The following TSHR variants were observed in gnomAD, a reference collection of about 807,000 sequenced individuals.
TSHR encodes the protein thyrotropin receptor.
TSHR carries 51 observed loss-of-function variants against 64.1 expected under a neutral mutation model. The ratio of observed to expected loss-of-function variants is 0.80; its 90% CI spans 0.64 to 1.01. The LOEUF is 1.01. Ranked by LOEUF, TSHR falls within the 50% of genes least tolerant of loss-of-function variation. The pLI is 0.00. For missense variants in TSHR, 877 were observed against 942.8 expected (o/e 0.93, Z 0.91); for synonymous variants, 361 against 361.9 (o/e 1.00, Z 0.03).
At chr14:80,989,715 G>A (rs913255582) in intron 1 of TSHR, among the ~76,000 whole-genome samples, 5 of 152,062 alleles carry the variant, frequency 3.3e-5, no homozygotes, top group East Asian at 1.9e-4. Flanking sequence ...ACTTCTATTC[G>A]ACTAAATTTA....
At chr14:81,080,730 C>T (rs182335731) in intron 3 of TSHR, among the ~76,000 whole-genome samples, 10 of 152,106 alleles carry the variant, frequency 6.6e-5, no homozygotes, top group Admixed American at 3.9e-4. Context: ...TGAAAATCCT[C>T]GATAATGTAG....
intron 1 of TSHR, among the ~76,000 whole-genome samples, chr14:81,009,850 T>C (rs1044313609): frequency 1.3e-5 from 2 of 152,110 alleles, no homozygotes; most frequent in Admixed American, 1.3e-4. Context: ...TCCTTGTGTA[T>C]TCTTGTGTAC....
chr14:81,033,066 C>T (rs889361129), intron 1 of TSHR: 1 of 360,206 alleles, frequency 2.8e-6, no homozygotes. Context: ...TCACCCAAAT[C>T]ATGGCAGACT....
intron 8 of TSHR, among the ~76,000 whole-genome samples, chr14:81,130,458 C>T (rs1266352362): frequency 6.6e-6 from 1 of 152,228 alleles, no homozygotes; most frequent in African/African-American, 2.4e-5. Flanking sequence ...ACTACTCTCT[C>T]TTGGTTTTTC....
intron 7 of TSHR, among the ~76,000 whole-genome samples, chr14:81,102,002 T>A (rs1889611163): frequency 6.6e-6 from 1 of 151,858 alleles, no homozygotes; most frequent in South Asian, 2.1e-4. Context: ...AAACCCCGTC[T>A]CTACTAAAAA....
intron 1 of TSHR, among the ~76,000 whole-genome samples, chr14:80,996,061 C>T (rs1028088359): frequency 1.3e-5 from 2 of 151,730 alleles, no homozygotes; most frequent in African/African-American, 4.8e-5. Context: ...TTTTGTTGAC[C>T]CTGCATGATT....
intron 1 of TSHR, chr14:80,991,450 C>A (rs547725379): frequency 2.3e-5 from 9 of 393,054 alleles, no homozygotes; most frequent in Non-Finnish European, 3.6e-5. Flanking sequence ...TTGTGAAGGG[C>A]AAAATTTGAA....
At chr14:81,073,017 A>AAAAAAAAAAT (rs1555376957) in intron 3 of TSHR, among the ~76,000 whole-genome samples, 10 of 91,190 alleles carry the variant, frequency 1.1e-4, no homozygotes, top group African/African-American at 3.6e-4. Flanking sequence ...AAAAATAAAA[A>AAAAAAAAAAT]ATAAATATAT....
chr14:81,119,991 G>A (rs1420095909), intron 8 of TSHR, among the ~76,000 whole-genome samples: 4 of 120,070 alleles, frequency 3.3e-5, no homozygotes, highest in Non-Finnish European at 5.1e-5. Context: ...AGATCACATG[G>A]ACACAGGAAG....
intron 8 of TSHR, among the ~76,000 whole-genome samples, chr14:81,127,027 T>C (rs79305847): frequency 0.068 from 10,354 of 152,296 alleles, 448 homozygotes; most frequent in South Asian, 0.13. Context: ...CTATGTTCTG[T>C]AGCAGGTTTT....
intron 1 of TSHR, among the ~76,000 whole-genome samples, chr14:81,031,853 A>G (rs574715309): frequency 5.1e-4 from 78 of 152,308 alleles, no homozygotes; most frequent in Non-Finnish European, 9.1e-4. Flanking sequence ...ACCAAAGCCA[A>G]TGCACTCTAC....
chr14:81,103,564 A>G lies in TSHR; in HGVS notation c.615-4811A>G. On this transcript the variant is annotated intron_variant, in intron 7 of 9. Coordinates refer to ENST00000298171, the MANE Select transcript of TSHR (RefSeq NM_000369.5). This position sits in a 1 kb window ranked among gnomAD's most constrained non-coding sequence, Gnocchi z 4.1. ...CTGATGCCTCAGCAGCAGTCAAGCA[A>G]TTAGTTAGGATTTCATGAAAATGAT... 1.0e-6 allele frequency: 1 copy of G among 985,450 alleles called. No individual in the cohort carries two copies. The highest frequency in any genetic ancestry group is 1.2e-6 in the Non-Finnish European group (1 of 829,930). The allele number at this position is 985,450 out of a possible 1,614,324, so 61.0% of individuals were successfully genotyped here. A position where few individuals can be genotyped will look rare whatever the true frequency, so the allele number is the denominator to read the frequency against.
rs141441117 is a variant in TSHR at position 81,103,324 on chromosome 14, T to C, written c.615-5051T>C. 2.6e-4 allele frequency: 258 copies of C among 985,468 alleles called. 2 individuals are homozygous for C. Among genetic ancestry groups the C allele is most frequent in the Admixed American group, 2.5e-4 (4 of 16,294 alleles). 61.0% of individuals were successfully genotyped at this position (985,468 alleles called of 1,614,324 possible). On this transcript the variant is annotated intron_variant, in intron 7 of 9. Coordinates refer to ENST00000298171, the MANE Select transcript of TSHR (RefSeq NM_000369.5). The surrounding 1 kb of genome is among the most constrained non-coding windows in gnomAD (Gnocchi z 4.1). ...TGTTCAAGGATTTCACATGGCATGT[T>C]AGCAATTTGGTAATTTCTCCAGAAG...
At chr14:81,127,090 C>T (rs1327848512) in intron 8 of TSHR, among the ~76,000 whole-genome samples, 1 of 152,208 alleles carries the variant, frequency 6.6e-6, no homozygotes, top group African/African-American at 2.4e-5. Flanking sequence ...TAAATAATGA[C>T]AGGTATAAAT....
At position 80,982,912 on chromosome 14, in the gene TSHR, T is replaced by G. The variant is rs139656967; in HGVS notation, c.170+27062T>G. 3.4e-4 allele frequency: 178 copies of G among 517,996 alleles called. 2 individuals carry two copies. The East Asian group carries it at 5.8e-3, about 17-fold the overall frequency. 32.1% of individuals were successfully genotyped at this position (517,996 alleles called of 1,614,324 possible). ...TAGGGAGGTAAATGGGATTAAGCCATTTGCTTACTCTTGCAAAATGGAATG... is the reference window on the plus strand; with the variant it reads ...TAGGGAGGTAAATGGGATTAAGCCAGTTGCTTACTCTTGCAAAATGGAATG... On this transcript the variant is annotated intron_variant, in intron 1 of 9. Transcript: ENST00000298171.
chr14:81,080,759 A>T (rs1245564490), intron 3 of TSHR, among the ~76,000 whole-genome samples: 1 of 152,192 alleles, frequency 6.6e-6, no homozygotes, highest in East Asian at 1.9e-4. Context: ...TTATTCTGTG[A>T]ACTTTCATAT....
intron 1 of TSHR, among the ~76,000 whole-genome samples, chr14:80,965,484 G>A (rs1887254135): frequency 6.6e-6 from 1 of 152,100 alleles, no homozygotes; most frequent in Admixed American, 6.5e-5. Flanking sequence ...ACTGAATGTT[G>A]CCACTTTTTC....
chr14:81,100,850 G>A (rs1385552392), intron 7 of TSHR, among the ~76,000 whole-genome samples: 3 of 152,218 alleles, frequency 2.0e-5, no homozygotes, highest in Admixed American at 1.3e-4. Flanking sequence ...CTACCTGGAA[G>A]CTCATCCAAA....
intron 2 of TSHR, among the ~76,000 whole-genome samples, chr14:81,063,244 C>A (rs1421720689): frequency 6.6e-6 from 1 of 152,072 alleles, no homozygotes; most frequent in Non-Finnish European, 1.5e-5. Flanking sequence ...TCTTGTCTCA[C>A]CTGGCTACTC....
Sources: allele counts gnomAD v4.1 joint callset (sites outside exome capture counted in the v4.1 genomes callset), GRCh38; gene constraint gnomAD v4.1.1; non-coding constraint Gnocchi (gnomAD v3.1); transcripts MANE v1.5; gene names NCBI Gene and HGNC (gene_info 2026-07-23, HGNC 2026-07-21).